CNIH3: variants seen among roughly 807,000 people sequenced by gnomAD.
CNIH3 encodes the protein protein cornichon homolog 3.
In CNIH3, 14 loss-of-function variants were observed where a neutral mutation model predicts 24.1. The ratio of observed to expected loss-of-function variants is 0.58; its 90% CI spans 0.38 to 0.91. The LOEUF is 0.91. Ranked by LOEUF, CNIH3 falls within the 40% of genes least tolerant of loss-of-function variation. The pLI is 0.00. For synonymous variants in CNIH3, 68 were observed against 73.8 expected, an observed-to-expected ratio of 0.92 and a Z score of 0.40; for missense variants, 178 against 196.8, an observed-to-expected ratio of 0.90 and a Z score of 0.57.
intron 1 of CNIH3, among the ~76,000 whole-genome samples, chr1:224,636,844 A>T (rs1445362789): frequency 6.6e-6 from 1 of 152,166 alleles, no homozygotes. Flanking sequence ...CCTGAGGAAG[A>T]TGTGAATTAG....
intron 1 of CNIH3, among the ~76,000 whole-genome samples, chr1:224,473,879 A>C (rs1439385490): frequency 6.6e-6 from 1 of 152,222 alleles, no homozygotes; most frequent in African/African-American, 2.4e-5. Context: ...ATTCACAAGG[A>C]AAGACCCTAT....
At chr1:224,540,902 G>A (rs978965007), downstream of CNIH3, among the ~76,000 whole-genome samples, 10 of 151,994 alleles carry the variant, frequency 6.6e-5, no homozygotes, top group African/African-American at 1.9e-4. Flanking sequence ...TTCAACTTTC[G>A]AAAACTAGAT....
At chr1:224,581,687 G>A (rs1223114850) in intron 4 of CNIH3, among the ~76,000 whole-genome samples, 2 of 152,160 alleles carry the variant, frequency 1.3e-5, no homozygotes, top group Admixed American at 6.5e-5. Flanking sequence ...TCATTCTTAT[G>A]AGCCCATTAT....
chr1:224,455,788 C>A (rs1675624365), intron 1 of CNIH3, among the ~76,000 whole-genome samples: 1 of 152,212 alleles, frequency 6.6e-6, no homozygotes, highest in Non-Finnish European at 1.5e-5. Flanking sequence ...GCAACAGTTA[C>A]TATATCAGTC....
intron 5 of CNIH3, among the ~76,000 whole-genome samples, chr1:224,584,621 T>C (rs552719380): frequency 6.6e-6 from 1 of 152,222 alleles, no homozygotes; most frequent in Non-Finnish European, 1.5e-5. Flanking sequence ...AAACTTGAAT[T>C]TGATGCAGAA....
At chr1:224,509,221 G>A (rs752429004) in intron 1 of CNIH3, among the ~76,000 whole-genome samples, 3 of 152,218 alleles carry the variant, frequency 2.0e-5, no homozygotes, top group Non-Finnish European at 4.4e-5. Context: ...TACTCGGGAG[G>A]CTGAGACGCA....
In CNIH3 at chr1:224,728,734, G is replaced by C. The variant is rs539980159; in HGVS notation, c.199-1728G>C. Among the ~76,000 whole-genome samples, 3 of 152,310 alleles carry C rather than the reference G, an allele frequency of 2.0e-5. No individual in the cohort carries two copies. In the East Asian group the frequency reaches 5.8e-4, roughly 29 times the overall value. On this transcript the variant is annotated intron_variant, in intron 3 of 5. Transcript: ENST00000272133. Reference sequence around the variant, plus strand: ...CATACCCAAATGGGATGGTTTGAGGGAGTTTGTTCTCCACCCAAAGAAATC... The same window carrying C: ...CATACCCAAATGGGATGGTTTGAGGCAGTTTGTTCTCCACCCAAAGAAATC...
chr1:224,511,902 A>G (rs1163280619), upstream of CNIH3, among the ~76,000 whole-genome samples: 1 of 147,654 alleles, frequency 6.8e-6, no homozygotes, highest in African/African-American at 2.5e-5. Flanking sequence ...CTGGCCAGGC[A>G]TGGTGGCTCA....
chr1:224,647,637 G>A (rs59962884), intron 1 of CNIH3, among the ~76,000 whole-genome samples: 24,601 of 152,250 alleles, frequency 0.16, 2,081 homozygotes, highest in African/African-American at 0.2. Flanking sequence ...GTGAAGCCTG[G>A]AAACTTGGGA....
intron 1 of CNIH3, among the ~76,000 whole-genome samples, chr1:224,618,122 C>G (rs1295608573): frequency 6.6e-6 from 1 of 152,242 alleles, no homozygotes; most frequent in Non-Finnish European, 1.5e-5. Context: ...AAGAGAAGTA[C>G]TGAGAGAGCG....
intron 1 of CNIH3, among the ~76,000 whole-genome samples, chr1:224,645,745 G>A (rs1247062301): frequency 6.6e-6 from 1 of 152,192 alleles, no homozygotes; most frequent in African/African-American, 2.4e-5. Context: ...CCAAGCTCCA[G>A]TCATTTCCAC....
chr1:224,564,599 A>G (rs543699350), intron 3 of CNIH3, among the ~76,000 whole-genome samples: 33 of 152,356 alleles, frequency 2.2e-4, no homozygotes, highest in African/African-American at 7.5e-4. Context: ...CATCCATGTG[A>G]CCAGAAGGGC....
downstream of CNIH3, among the ~76,000 whole-genome samples, chr1:224,538,888 G>A (rs1304098378): frequency 4.3e-5 from 6 of 139,976 alleles, no homozygotes; most frequent in East Asian, 2.0e-4. Flanking sequence ...GGCTGGTCTC[G>A]AACTCCTGGT....
intron 1 of CNIH3, chr1:224,665,019 T>G (rs1685530468): frequency 6.6e-6 from 1 of 152,216 alleles, no homozygotes; most frequent in African/African-American, 2.4e-5. Flanking sequence ...AATTTTTATT[T>G]TCAATTATTT....
intron 3 of CNIH3, among the ~76,000 whole-genome samples, chr1:224,595,395 C>T (rs758621651): frequency 6.6e-6 from 1 of 152,192 alleles, no homozygotes; most frequent in Non-Finnish European, 1.5e-5. Flanking sequence ...TGGGGCACCA[C>T]AAATTGTGCC....
chr1:224,553,806 GCCTC>G (rs777086100), intron 3 of CNIH3, among the ~76,000 whole-genome samples: 4 of 146,482 alleles, frequency 2.7e-5, no homozygotes, highest in East Asian at 2.0e-4. Context: ...ATGTCTCCCT[GCCTC>G]CCTCCCTCCC....
chr1:224,733,772 T>C lies in CNIH3; in HGVS notation c.312-791T>C, dbSNP rs1019395280. Among the ~76,000 whole-genome samples, 23 of 152,172 alleles carry C rather than the reference T, an allele frequency of 1.5e-4. 1 individual carries two copies. Among genetic ancestry groups the C allele is most frequent in the Non-Finnish European group, 2.2e-4 (15 of 68,028 alleles). On this transcript the variant is annotated intron_variant, in intron 4 of 5. Coordinates refer to ENST00000272133, the MANE Select transcript of CNIH3 (RefSeq NM_152495.2). ...TCACTGAGAGATTCCAGCTGTACTT[T>C]GTTCTTGGGCTCCGGCAGGAGGCTG... is the stretch of plus-strand genomic sequence containing the variant.
intron 5 of CNIH3, among the ~76,000 whole-genome samples, chr1:224,736,908 T>A (rs1296179174): frequency 3.9e-5 from 6 of 152,092 alleles, no homozygotes; most frequent in Non-Finnish European, 8.8e-5. Context: ...GGAGGTTAGG[T>A]TTTTTCCCTG....
chr1:224,737,043 GT>G (rs1689627495), intron 5 of CNIH3, among the ~76,000 whole-genome samples: 1 of 152,156 alleles, frequency 6.6e-6, no homozygotes, highest in South Asian at 2.1e-4. Flanking sequence ...TGAGACCATT[GT>G]TTTCATTAGC....
Sources: gnomAD v4.1 joint callset for allele counts (sites outside exome capture counted in the v4.1 genomes callset) on GRCh38, gnomAD v4.1.1 for gene constraint, MANE v1.5 for transcripts, NCBI Gene and HGNC (gene_info 2026-07-23, HGNC 2026-07-21) for gene names.